Variants in ARHGEF1 observed in about 807,000 individuals in gnomAD.
ARHGEF1 encodes Rho guanine nucleotide exchange factor 1.
In ARHGEF1, 40 loss-of-function variants were observed where a neutral mutation model predicts 119.7. The observed-to-expected ratio is 0.33, with a 90% confidence interval of 0.26 to 0.44. ARHGEF1 has a LOEUF of 0.44. Ranked by LOEUF, ARHGEF1 falls within the 20% of genes least tolerant of loss-of-function variation. The pLI is 1.00. For synonymous variants in ARHGEF1, 494 were observed against 521.0 expected, an observed-to-expected ratio of 0.95 and a Z score of 0.71; for missense variants, 976 against 1,268.3, an observed-to-expected ratio of 0.77 and a Z score of 3.50.
intron 14 of ARHGEF1, among the ~76,000 whole-genome samples, chr19:41,899,281 G>A (rs2074560723): frequency 6.6e-6 from 1 of 152,054 alleles, no homozygotes; most frequent in Admixed American, 6.6e-5. Flanking sequence ...GAGCCACCAG[G>A]CCCAGTCAAG....
chr19:41,924,205 G>A (rs1471131846), intron 1 of ARHGEF1, among the ~76,000 whole-genome samples: 1 of 151,914 alleles, frequency 6.6e-6, no homozygotes, highest in Non-Finnish European at 1.5e-5. Flanking sequence ...AGGTGGATAG[G>A]TGTGTCTGTG....
At chr19:41,894,587 A>C (rs1555847117) in intron 10 of ARHGEF1, 39 bp from the exon 11 acceptor site, 3 of 1,613,872 alleles carry the variant, frequency 1.9e-6, no homozygotes, top group East Asian at 4.5e-5. Context: ...TGTCTTCCCC[A>C]GCTGCTCCCA....
rs2074329495 is a variant in ARHGEF1, at chr19:41,888,547, C to T, written c.112-205C>T. 6.6e-6 allele frequency among the ~76,000 whole-genome samples: 1 copy of T among 152,206 alleles called. No homozygotes were observed. Among genetic ancestry groups the T allele is most frequent in the Non-Finnish European group, 1.5e-5 (1 of 68,034 alleles). On this transcript the variant is annotated intron_variant, in intron 3 of 28. Transcript: ENST00000354532. This position sits in a 1 kb window ranked among gnomAD's most constrained non-coding sequence, Gnocchi z 5.1. ...CTCTCCTAATTTCTGTCCTCATCAT[C>T]CACCATTATAATATTAAGTCTCATC...
At position 41,905,384 on chromosome 19, in the gene ARHGEF1, T is replaced by G; in HGVS notation, c.2336+123T>G. On this transcript the variant is annotated intron_variant, in intron 24 of 28. Transcript: ENST00000354532. The surrounding 1 kb of genome is among the most constrained non-coding windows in gnomAD (Gnocchi z 6.4). ...ATGCACATGTGTGAATGCATGTGTG[T>G]GCATACATGTGTGTCTGTACGCAAG... 1.2e-6 allele frequency: 1 copy of G among 827,350 alleles called. No homozygotes were observed. The highest frequency in any genetic ancestry group is 1.9e-6 in the Non-Finnish European group (1 of 529,046). 51.3% of individuals were successfully genotyped at this position (827,350 alleles called of 1,614,324 possible). A position where few individuals can be genotyped will look rare whatever the true frequency, so the allele number is the denominator to read the frequency against.
Position 41,916,994 on chromosome 19 carries a change from G to A in ARHGEF1, c.1866-6098G>A, listed in dbSNP as rs1322260029. ...GTCCCTCCATCTGTGAACTTCCCAA[G>A]CATGTCTCTGCATGGGTGTGTGTGT... On this transcript the variant is annotated intron_variant, in intron 18 of 20. Transcript: ENST00000599589. The surrounding 1 kb of genome is among the most constrained non-coding windows in gnomAD (Gnocchi z 5.4). Among the ~76,000 whole-genome samples, 1 of 146,560 alleles carries A rather than the reference G, an allele frequency of 6.8e-6. No individual in the cohort carries two copies. The highest frequency in any genetic ancestry group is 1.5e-5 in the Non-Finnish European group (1 of 67,938).
In ARHGEF1 at chr19:41,902,544, T is replaced by C. The variant is rs782770189; in HGVS notation, c.1509T>C (p.Ala503=). The change falls in exon 17 of 29, where the codon GCT becomes GCC. Residue 503 remains alanine, a synonymous_variant. Transcript: ENST00000354532. The surrounding 1 kb of genome is among the most constrained non-coding windows in gnomAD (Gnocchi z 6.5). ...GAATCTCGCTGTAGTTTGATGGTGC[T>C]GAGGGCTCCTGGTTCCAGAAAATCT... is the stretch of plus-strand genomic sequence containing the variant. ...GDVLLARFDG[A]EGSWFQKISS... 1.9e-6 allele frequency: 3 copies of C among 1,614,148 alleles called. No homozygotes were observed. The highest frequency in any genetic ancestry group is 1.7e-5 in the Admixed American group (1 of 60,026).
In ARHGEF1 at chr19:41,905,941, C is replaced by T. The variant is rs1568825943; in HGVS notation, c.2407C>T (p.Arg803Trp). The T allele has an allele frequency of 9.9e-6, 16 of 1,614,004 alleles. No homozygotes were observed. The highest frequency in any genetic ancestry group is 1.6e-4 in the Middle Eastern group (1 of 6,084). Residue 803 changes from arginine (R) to tryptophan (W), a missense_variant and splice_region_variant, in exon 26 of 29, where the codon CGG becomes TGG. By Grantham distance (101) the Arg-to-Trp change is moderately radical. Transcript: ENST00000354532. The surrounding 1 kb of genome is among the most constrained non-coding windows in gnomAD (Gnocchi z 6.4). ...TCCCTCTCTGTTCCCCAATCCAGCC[C>T]GGACCGAGAGAATCCTCAGTGACCT... Reference protein sequence around the residue: ...GGRETSPADARTERILSDLLP... With the variant: ...GGRETSPADAWTERILSDLLP...
At chr19:41,908,073 C>T (rs2074728145), downstream of ARHGEF1, 6 of 505,316 alleles carry the variant, frequency 1.2e-5, no homozygotes, top group Admixed American at 1.8e-4. This position sits in a 1 kb window ranked among gnomAD's most constrained non-coding sequence, Gnocchi z 6.7. Flanking sequence ...AGTGAGACCC[C>T]CCCCACTCTG....
chr19:41,899,878 A>G (rs2074571383), intron 14 of ARHGEF1, among the ~76,000 whole-genome samples: 1 of 151,740 alleles, frequency 6.6e-6, no homozygotes, highest in Non-Finnish European at 1.5e-5. Flanking sequence ...TTAGGGGAGT[A>G]GTTGAGTACT....
chr19:41,903,178 T>C lies in ARHGEF1; in HGVS notation c.1739-129T>C. On this transcript the variant is annotated intron_variant, in intron 18 of 28. Coordinates refer to ENST00000354532, the MANE Select transcript of ARHGEF1 (RefSeq NM_004706.4). This position sits in a 1 kb window ranked among gnomAD's most constrained non-coding sequence, Gnocchi z 4.2. ...CTCAAGCTATCCTCCCGCCTCAGCC[T>C]CCCAAAGTGCTTGGATTACAGGCGT... 1.2e-6 allele frequency: 1 copy of C among 820,334 alleles called. No homozygotes were observed. The highest frequency in any genetic ancestry group is 2.7e-5 in the East Asian group (1 of 37,334). The allele number at this position is 820,334 out of a possible 1,614,324, so 50.8% of individuals were successfully genotyped here.
rs2074716709 is a variant in ARHGEF1, at chr19:41,907,214, GGCC to G, written c.*128_*130del. ...GAGGGCCTGAGGAGAGGGAGCTGTG[GGCC>G]ACGCCTGGGAGGGGCCCAGCTGGGG... is the stretch of plus-strand genomic sequence containing the variant. On this transcript the variant is annotated 3_prime_UTR_variant, in exon 29 of 29. Coordinates refer to ENST00000354532, the MANE Select transcript of ARHGEF1 (RefSeq NM_004706.4). The G allele has an allele frequency of 2.0e-6, 3 of 1,518,762 alleles. No individual in the cohort carries two copies. The highest frequency in any genetic ancestry group is 2.1e-5 in the Admixed American group (1 of 48,244). 94.1% of individuals were successfully genotyped at this position (1,518,762 alleles called of 1,614,324 possible).
rs561376125 is a variant in ARHGEF1, at chr19:41,904,744, A to T, written c.2162-205A>T. Among the ~76,000 whole-genome samples the T allele has an allele frequency of 6.6e-6, 1 of 152,130 alleles. No individual in the cohort carries two copies. Among genetic ancestry groups the T allele is most frequent in the African/African-American group, 2.4e-5 (1 of 41,420 alleles). On this transcript the variant is annotated intron_variant, in intron 22 of 28. Coordinates refer to ENST00000354532, the MANE Select transcript of ARHGEF1 (RefSeq NM_004706.4). This position sits in a 1 kb window ranked among gnomAD's most constrained non-coding sequence, Gnocchi z 8.4. ...GGTTTCGTTAGGTAAGCCAGGGTACATGCCCGATTCCATAAGGAGGTGTGA... is the reference window on the plus strand; with the variant it reads ...GGTTTCGTTAGGTAAGCCAGGGTACTTGCCCGATTCCATAAGGAGGTGTGA...
At chr19:41,901,169 G>A (rs1555848953) in intron 14 of ARHGEF1, among the ~76,000 whole-genome samples, 1 of 149,388 alleles carries the variant, frequency 6.7e-6, no homozygotes, top group African/African-American at 2.5e-5. Flanking sequence ...TTGTTTTTTT[G>A]AGACGGAGTC....
downstream of ARHGEF1, chr19:41,909,010 G>A: frequency 9.1e-7 from 1 of 1,099,524 alleles, no homozygotes; most frequent in Non-Finnish European, 1.2e-6. This position sits in a 1 kb window ranked among gnomAD's most constrained non-coding sequence, Gnocchi z 5.2. Flanking sequence ...CCTCAAGCCT[G>A]CAGCTTCTCC....
At chr19:41,907,084 C>T (rs781936379) in intron 28 of ARHGEF1, 21 bp from the exon 29 acceptor site, 7 of 1,488,558 alleles carry the variant, frequency 4.7e-6, no homozygotes, top group South Asian at 1.3e-5. Context: ...CCCGTCTCCC[C>T]TCTTCTCCTA....
At chr19:41,922,660 G>A (rs1382768769), upstream of ARHGEF1, among the ~76,000 whole-genome samples, 2 of 152,114 alleles carry the variant, frequency 1.3e-5, no homozygotes, top group Non-Finnish European at 2.9e-5. Flanking sequence ...CAAGGGGCGG[G>A]GCCTGGGTGG....
upstream of ARHGEF1, among the ~76,000 whole-genome samples, chr19:41,920,801 C>G (rs1555852411): frequency 6.6e-6 from 1 of 152,238 alleles, no homozygotes; most frequent in Non-Finnish European, 1.5e-5. Flanking sequence ...GATTCCCAGG[C>G]TGGGGAAGGT....
chr19:41,903,776 G>C lies in ARHGEF1; in HGVS notation c.1909G>C (p.Glu637Gln). ...GCAGAGCAGCGACCCTATGCTGAGC[G>C]AGTTCAAGGTGTGACCATACCCTCC... ...LRQSSDPMLS[E>Q]FKNLDITKKK... The change falls in exon 20 of 29, where the codon GAG becomes CAG. Residue 637 changes from glutamate to glutamine, a missense_variant. Transcript: ENST00000354532. The surrounding 1 kb of genome is among the most constrained non-coding windows in gnomAD (Gnocchi z 4.2). 1.9e-6 allele frequency: 3 copies of C among 1,612,962 alleles called. No individual in the cohort carries two copies. Among genetic ancestry groups the C allele is most frequent in the South Asian group, 1.1e-5 (1 of 91,082 alleles).
rs183598386 is a variant in ARHGEF1 at position 41,888,099 on chromosome 19, G to A, written c.17G>A (p.Arg6Gln). 3.3e-5 allele frequency: 54 copies of A among 1,613,740 alleles called. No individual in the cohort carries two copies. The East Asian group carries it at 3.6e-4, about 11-fold the overall frequency. ...CCCAGGGAGATGGAAGACTTCGCCCGAGGGGCGGTGAGTGGACAGAGCAAG... is the reference window on the plus strand; with the variant it reads ...CCCAGGGAGATGGAAGACTTCGCCCAAGGGGCGGTGAGTGGACAGAGCAAG... The part of the protein sequence containing the change: MEDFA[R>Q]GAASPGPSRP... Residue 6 changes from arginine (R) to glutamine (Q), a missense_variant, in exon 2 of 29, where the codon CGA becomes CAA. Physicochemically the swap from Arg to Gln is conservative, Grantham distance 43. Transcript: ENST00000354532. The surrounding 1 kb of genome is among the most constrained non-coding windows in gnomAD (Gnocchi z 5.1).
Sources: allele counts gnomAD v4.1 joint callset (sites outside exome capture counted in the v4.1 genomes callset), GRCh38; gene constraint gnomAD v4.1.1; non-coding constraint Gnocchi (gnomAD v3.1); transcripts MANE v1.5; gene names NCBI Gene and HGNC (gene_info 2026-07-23, HGNC 2026-07-21).